Variants in FAT3 observed in about 807,000 individuals in gnomAD.
FAT3 encodes the protein protocadherin Fat 3.
In FAT3, 95 loss-of-function variants were observed where a neutral mutation model predicts 310.2. The ratio of observed to expected loss-of-function variants is 0.31; its 90% CI spans 0.26 to 0.36. The LOEUF (loss-of-function observed/expected upper bound fraction) is 0.36. Ranked by LOEUF, FAT3 falls within the 10% of genes least tolerant of loss-of-function variation. The pLI is 1.00. For synonymous variants in FAT3, 2,314 were observed against 2,192.9 expected, an observed-to-expected ratio of 1.06 and a Z score of -1.54; for missense variants, 5,408 against 5,715.6, an observed-to-expected ratio of 0.95 and a Z score of 1.74.
intron 2 of FAT3, among the ~76,000 whole-genome samples, chr11:92,519,542 T>G (rs1444549601): frequency 6.6e-6 from 1 of 151,902 alleles, no homozygotes; most frequent in East Asian, 1.9e-4. Context: ...TATATGAAAA[T>G]ATAAGATTTT....
intron 2 of FAT3, among the ~76,000 whole-genome samples, chr11:92,480,138 G>C (rs533065181): frequency 6.6e-6 from 1 of 151,846 alleles, no homozygotes; most frequent in Non-Finnish European, 1.5e-5. Flanking sequence ...GGTGGCGGGC[G>C]CCTGTAGTCC....
intron 3 of FAT3, among the ~76,000 whole-genome samples, chr11:92,679,113 G>A (rs564474010): frequency 1.1e-4 from 17 of 152,126 alleles, no homozygotes; most frequent in African/African-American, 3.1e-4. Flanking sequence ...CATCCATGTC[G>A]CTGCAAGAGA....
In FAT3 at chr11:92,867,143, T is replaced by C; in HGVS notation, c.12061T>C (p.Tyr4021His). The C allele has an allele frequency of 1.2e-6, 2 of 1,601,366 alleles. No homozygotes were observed. Among genetic ancestry groups the C allele is most frequent in the Non-Finnish European group, 1.7e-6 (2 of 1,175,354 alleles). ...LTELKLGCVL[Y>H]PDACKRSPCQ... ...GGAGCTGAAGCTGGGCTGCGTGCTCTATCCCGACGCCTGCAAGCGCAGCCC... is the reference window on the plus strand; with the variant it reads ...GGAGCTGAAGCTGGGCTGCGTGCTCCATCCCGACGCCTGCAAGCGCAGCCC... Residue 4021 changes from tyrosine (Y) to histidine (H), a missense_variant, in exon 22 of 28, where the codon TAT becomes CAT. Physicochemically the swap from Tyr to His is moderately conservative, Grantham distance 83. Around this residue, in one of 5 missense-constraint regions of FAT3, gnomAD observed 4,588 missense variants for 4,809.8 expected, o/e 0.95. Transcript: ENST00000525166.
intron 6 of FAT3, 124 bp from the exon 7 acceptor site, chr11:92,773,917 A>G: frequency 1.1e-6 from 1 of 919,994 alleles, no homozygotes; most frequent in Non-Finnish European, 1.6e-6. Flanking sequence ...GATGTACAAA[A>G]TTGAGCCATA....
chr11:92,887,790 C>T (rs182166389), intron 25 of FAT3, among the ~76,000 whole-genome samples: 5 of 152,164 alleles, frequency 3.3e-5, no homozygotes, highest in South Asian at 4.2e-4. Flanking sequence ...GAACCAGCTT[C>T]GGAGGATGGG....
At chr11:92,611,332 T>C (rs1468424351) in intron 3 of FAT3, among the ~76,000 whole-genome samples, 2 of 152,148 alleles carry the variant, frequency 1.3e-5, no homozygotes, top group Non-Finnish European at 2.9e-5. Context: ...CCCAAGCTGA[T>C]CTCAAACTAC....
chr11:92,755,777 G>A (rs1404052671), intron 4 of FAT3, among the ~76,000 whole-genome samples: 1 of 152,102 alleles, frequency 6.6e-6, no homozygotes, highest in Non-Finnish European at 1.5e-5. Context: ...CAAAATTGAG[G>A]CCATGTGATT....
At chr11:92,780,761 A>T (rs941517269) in intron 7 of FAT3, among the ~76,000 whole-genome samples, 6 of 152,212 alleles carry the variant, frequency 3.9e-5, no homozygotes, top group Admixed American at 2.6e-4. Context: ...TGGCTGTCAG[A>T]TTGTCTTATA....
intron 3 of FAT3, among the ~76,000 whole-genome samples, chr11:92,629,022 T>C (rs960663461): frequency 2.0e-5 from 3 of 152,236 alleles, no homozygotes; most frequent in African/African-American, 7.2e-5. Flanking sequence ...TATCTTCTGC[T>C]CTTAAGCAGC....
intron 1 of FAT3, among the ~76,000 whole-genome samples, chr11:92,279,428 A>T (rs933214800): frequency 3.3e-5 from 5 of 152,282 alleles, no homozygotes; most frequent in Non-Finnish European, 2.9e-5. Context: ...ATAATTATTT[A>T]ATTTATTGAA....
At chr11:92,395,434 T>C (rs1294539182) in intron 2 of FAT3, among the ~76,000 whole-genome samples, 1 of 152,164 alleles carries the variant, frequency 6.6e-6, no homozygotes, top group Non-Finnish European at 1.5e-5. Context: ...GCCCAGGTCT[T>C]TCATACCAGC....
At chr11:92,711,182 T>C (rs1276303180) in intron 4 of FAT3, among the ~76,000 whole-genome samples, 1 of 152,226 alleles carries the variant, frequency 6.6e-6, no homozygotes, top group Non-Finnish European at 1.5e-5. Context: ...TGTATACACA[T>C]ATATTTCATA....
intron 3 of FAT3, among the ~76,000 whole-genome samples, chr11:92,566,814 TG>T (rs1268019565): frequency 1.3e-5 from 2 of 152,188 alleles, no homozygotes; most frequent in African/African-American, 4.8e-5. Flanking sequence ...TAAATGGTGC[TG>T]GGAAAACTGG....
In FAT3 at chr11:92,224,920, G is replaced by T. The variant is rs1386966238; in HGVS notation, c.-272G>T. ...TGCGGATTGGGATCTCGCGCCTCCC[G>T]TCCCTCTCCTCCCGCTGCTGTTCTC... is the stretch of plus-strand genomic sequence containing the variant. On this transcript the variant is annotated 5_prime_UTR_variant, in exon 1 of 28. Coordinates refer to ENST00000525166, the MANE Select transcript of FAT3 (RefSeq NM_001367949.2). 6.6e-6 allele frequency among the ~76,000 whole-genome samples: 1 copy of T among 152,104 alleles called. No homozygotes were observed. The highest frequency in any genetic ancestry group is 1.5e-5 in the Non-Finnish European group (1 of 68,036).
intron 3 of FAT3, among the ~76,000 whole-genome samples, chr11:92,567,667 A>C (rs1249239736): frequency 6.6e-6 from 1 of 152,068 alleles, no homozygotes; most frequent in African/African-American, 2.4e-5. Context: ...CTGGATTAAG[A>C]AAATGTGGCA....
intron 2 of FAT3, among the ~76,000 whole-genome samples, chr11:92,489,889 T>TTTA (rs1024636929): frequency 2.1e-5 from 3 of 145,700 alleles, no homozygotes; most frequent in African/African-American, 7.4e-5. Flanking sequence ...TTCTTTTTCT[T>TTTA]TTTTTTTTTT....
At position 92,895,996 on chromosome 11, in the gene FAT3, T is replaced by C. The variant is rs892701791; in HGVS notation, c.*4883T>C. The C allele has an allele frequency of 2.0e-5, 3 of 152,188 alleles. No individual in the cohort carries two copies. The highest frequency in any genetic ancestry group is 1.3e-4 in the Admixed American group (2 of 15,286). The allele number at this position is 152,188 out of a possible 1,614,324, so 9.4% of individuals were successfully genotyped here. On this transcript the variant is annotated 3_prime_UTR_variant, in exon 28 of 28. Coordinates refer to ENST00000525166, the MANE Select transcript of FAT3 (RefSeq NM_001367949.2). ...ACTCATTTCAAAATGTACTGTAACC[T>C]TTCTTTGGTTCTTACTGTTTTCATT...
At chr11:92,411,472 AC>A (rs1404385754) in intron 2 of FAT3, among the ~76,000 whole-genome samples, 1 of 152,078 alleles carries the variant, frequency 6.6e-6, no homozygotes, top group African/African-American at 2.4e-5. Flanking sequence ...CTACATACCC[AC>A]CACTTGTAAG....
chr11:92,681,468 G>A (rs1003087352), intron 3 of FAT3, among the ~76,000 whole-genome samples: 3 of 152,196 alleles, frequency 2.0e-5, no homozygotes, highest in African/African-American at 7.2e-5. Context: ...GCTTTATGTG[G>A]TCAAGGAACA....
Sources: allele counts gnomAD v4.1 joint callset (sites outside exome capture counted in the v4.1 genomes callset), GRCh38; gene constraint gnomAD v4.1.1; regional missense constraint gnomAD v4.1.1; transcripts MANE v1.5; gene names NCBI Gene and HGNC (gene_info 2026-07-23, HGNC 2026-07-21).